Variants in GATA4 observed in about 807,000 individuals in gnomAD.
GATA4 encodes the protein transcription factor GATA-4.
In GATA4, 7 loss-of-function variants were observed where a neutral mutation model predicts 37.9. The observed-to-expected ratio is 0.18, with a 90% CI of 0.11 to 0.35. GATA4 has a LOEUF of 0.35. Ranked by LOEUF, GATA4 falls within the 10% of genes least tolerant of loss-of-function variation. GATA4 has a pLI of 1.00. For synonymous variants in GATA4, 372 were observed against 292.6 expected, an observed-to-expected ratio of 1.27 and a Z score of -2.77; for missense variants, 647 against 653.0, an observed-to-expected ratio of 0.99 and a Z score of 0.10.
intron 2 of GATA4, among the ~76,000 whole-genome samples, chr8:11,739,149 C>G (rs909177584): frequency 6.6e-6 from 1 of 152,252 alleles, no homozygotes; most frequent in African/African-American, 2.4e-5. Flanking sequence ...CATCTCCAAT[C>G]CTGCAGTGCC....
intron 4 of GATA4, among the ~76,000 whole-genome samples, chr8:11,750,868 G>C (rs1366372917): frequency 6.6e-6 from 1 of 151,608 alleles, no homozygotes; most frequent in Non-Finnish European, 1.5e-5. Flanking sequence ...GATGGCTTGA[G>C]CTCAGGAGTT....
chr8:11,695,088 C>G (rs771726211), intron 1 of GATA4, among the ~76,000 whole-genome samples: 7 of 152,174 alleles, frequency 4.6e-5, no homozygotes, highest in African/African-American at 1.7e-4. Flanking sequence ...TGCAACTGAG[C>G]GTAATGGAAA....
intron 1 of GATA4, among the ~76,000 whole-genome samples, chr8:11,686,920 C>T (rs1307096198): frequency 7.2e-5 from 11 of 151,978 alleles, no homozygotes; most frequent in Admixed American, 7.2e-4. Context: ...ACCACTTGAA[C>T]CCGGGAGGCG....
intron 5 of GATA4, among the ~76,000 whole-genome samples, chr8:11,756,054 G>A (rs1360538254): frequency 6.6e-6 from 1 of 151,940 alleles, no homozygotes; most frequent in Non-Finnish European, 1.5e-5. Context: ...AACAACGGCT[G>A]TTCTTTAATA....
At chr8:11,699,386 C>T (rs1216369018), upstream of GATA4, among the ~76,000 whole-genome samples, 2 of 152,122 alleles carry the variant, frequency 1.3e-5, no homozygotes, top group African/African-American at 4.8e-5. Flanking sequence ...CCTGTGTCAC[C>T]AAGAGAGATC....
chr8:11,724,260 T>A lies in GATA4; in HGVS notation c.616+15332T>A, dbSNP rs571121507. Among the ~76,000 whole-genome samples the A allele has an allele frequency of 2.6e-4, 39 of 152,346 alleles. 1 individual carries two copies. The highest frequency in any genetic ancestry group is 8.9e-4 in the African/African-American group (37 of 41,584). ...TCTGCCCATTGACCATTGTGAATAATGCCGCCATTTTTACATGGGTGAACA... is the reference window on the plus strand; with the variant it reads ...TCTGCCCATTGACCATTGTGAATAAAGCCGCCATTTTTACATGGGTGAACA... On this transcript the variant is annotated intron_variant, in intron 2 of 6. Transcript: ENST00000532059.
At chr8:11,686,594 A>T (rs887177440) in intron 1 of GATA4, among the ~76,000 whole-genome samples, 1 of 152,190 alleles carries the variant, frequency 6.6e-6, no homozygotes, top group Non-Finnish European at 1.5e-5. Context: ...AGCCATCTTC[A>T]TGTAATTTTC....
At position 11,708,037 on chromosome 8, in the gene GATA4, G is replaced by C; in HGVS notation, c.-276G>C. ...TAGGTGCGCCGGACCTTCAGGCCCT[G>C]GGGTGAATTCAGCTGCTCCTACATC... On this transcript the variant is annotated 5_prime_UTR_variant, in exon 2 of 7. Transcript: ENST00000532059. The surrounding 1 kb of genome is among the most constrained non-coding windows in gnomAD (Gnocchi z 6.7). The C allele has an allele frequency of 2.0e-6, 1 of 506,290 alleles. No homozygotes were observed. Among genetic ancestry groups the C allele is most frequent in the African/African-American group, 1.9e-5 (1 of 51,656 alleles). The allele number at this position is 506,290 out of a possible 1,614,324, so 31.4% of individuals were successfully genotyped here.
chr8:11,685,427 G>C (rs1237236956), intron 1 of GATA4, among the ~76,000 whole-genome samples: 1 of 152,222 alleles, frequency 6.6e-6, no homozygotes, highest in Non-Finnish European at 1.5e-5. Flanking sequence ...AATATTTTGA[G>C]AGAGGTGAGG....
intron 1 of GATA4, among the ~76,000 whole-genome samples, chr8:11,677,744 C>T (rs1798828342): frequency 6.6e-6 from 1 of 152,102 alleles, no homozygotes; most frequent in Non-Finnish European, 1.5e-5. Flanking sequence ...CAAGGGTCAG[C>T]CAGGCTTGGT....
At chr8:11,724,496 T>A (rs1800822484) in intron 2 of GATA4, among the ~76,000 whole-genome samples, 1 of 152,268 alleles carries the variant, frequency 6.6e-6, no homozygotes, top group African/African-American at 2.4e-5. Context: ...CTTCATTTTC[T>A]GTATGTCATA....
At chr8:11,746,238 G>A (rs1047147905) in intron 2 of GATA4, among the ~76,000 whole-genome samples, 20 of 151,108 alleles carry the variant, frequency 1.3e-4, no homozygotes, top group African/African-American at 4.4e-4. Flanking sequence ...AAAAAAAAAA[G>A]GAAAAAAAAA....
At chr8:11,738,041 C>T (rs1444388840) in intron 2 of GATA4, among the ~76,000 whole-genome samples, 1 of 151,796 alleles carries the variant, frequency 6.6e-6, no homozygotes. Context: ...ATTAGCCAGG[C>T]GTGATGGTAT....
At chr8:11,680,506 T>C (rs1798923678) in intron 1 of GATA4, 6 of 985,324 alleles carry the variant, frequency 6.1e-6, no homozygotes, top group Non-Finnish European at 7.2e-6. Flanking sequence ...TGGCGCCACA[T>C]GGGCCAGGTC....
chr8:11,732,167 A>C (rs1801241676), intron 2 of GATA4, among the ~76,000 whole-genome samples: 1 of 152,264 alleles, frequency 6.6e-6, no homozygotes, highest in Non-Finnish European at 1.5e-5. Context: ...TTTCTTTGGA[A>C]TGCAAATCAG....
rs1421833829 is a variant in GATA4 at position 11,749,800 on chromosome 8, T to A, written c.787-311T>A. Among the ~76,000 whole-genome samples the A allele has an allele frequency of 1.3e-5, 2 of 152,228 alleles. No homozygotes were observed. Among genetic ancestry groups the A allele is most frequent in the Non-Finnish European group, 2.9e-5 (2 of 68,036 alleles). On this transcript the variant is annotated intron_variant, in intron 3 of 6. Coordinates refer to ENST00000532059, the MANE Select transcript of GATA4 (RefSeq NM_001308093.3). The surrounding 1 kb of genome is among the most constrained non-coding windows in gnomAD (Gnocchi z 4.6). The stretch of plus-strand genomic sequence containing the variant: ...GGTCAGTTCTCCTCTCAGGAGAAGC[T>A]TTCCTGCCGGCAGTGCCCGGCGCTC...
chr8:11,758,012 T>C lies in GATA4; in HGVS notation c.1150-281T>C, dbSNP rs183900523. On this transcript the variant is annotated intron_variant, in intron 6 of 6. Transcript: ENST00000532059. The stretch of plus-strand genomic sequence containing the variant: ...TGATAGGATGGTAGAAAGTGTCTCC[T>C]GTAACCATCAGAGCCTTCTGGGCAA... 7.6e-3 allele frequency among the ~76,000 whole-genome samples: 1,155 copies of C among 152,280 alleles called. 14 individuals carry two copies. Among genetic ancestry groups the C allele is most frequent in the African/African-American group, 0.027 (1,104 of 41,548 alleles).
In GATA4 at chr8:11,709,990, G is replaced by T. The variant is rs1800101500; in HGVS notation, c.616+1062G>T. Among the ~76,000 whole-genome samples the T allele has an allele frequency of 6.6e-6, 1 of 152,186 alleles. No individual in the cohort carries two copies. Among genetic ancestry groups the T allele is most frequent in the African/African-American group, 2.4e-5 (1 of 41,450 alleles). On this transcript the variant is annotated intron_variant, in intron 2 of 6. Coordinates refer to ENST00000532059, the MANE Select transcript of GATA4 (RefSeq NM_001308093.3). This position sits in a 1 kb window ranked among gnomAD's most constrained non-coding sequence, Gnocchi z 4.3. The stretch of plus-strand genomic sequence containing the variant: ...AGCCCAGGCTTGAGAAGCAAAGCTC[G>T]CGTTTATTGACCACCTACTAAGTGC...
At chr8:11,694,792 A>G (rs969365402) in intron 1 of GATA4, among the ~76,000 whole-genome samples, 2 of 152,166 alleles carry the variant, frequency 1.3e-5, no homozygotes, top group Admixed American at 6.5e-5. Context: ...GGAGTTAGAA[A>G]CAATCATATT....
Sources: allele counts gnomAD v4.1 joint callset (sites outside exome capture counted in the v4.1 genomes callset), GRCh38; gene constraint gnomAD v4.1.1; non-coding constraint Gnocchi (gnomAD v3.1); transcripts MANE v1.5; gene names NCBI Gene and HGNC (gene_info 2026-07-23, HGNC 2026-07-21).